Variants in SH3BGRL observed in about 807,000 individuals in gnomAD.
SH3BGRL encodes SH3 domain binding glutamate rich protein like, also known as adapter SH3BGRL.
SH3BGRL carries 7 observed loss-of-function variants against 9.8 expected under a neutral mutation model. The observed-to-expected ratio is 0.72, with a 90% CI of 0.41 to 1.35. SH3BGRL has a LOEUF of 1.35. SH3BGRL is among the 40% of genes most tolerant of loss of function. SH3BGRL has a pLI of 0.01. For synonymous variants in SH3BGRL, 36 were observed against 29.1 expected (o/e 1.24, Z -0.76); for missense variants, 73 against 84.4 (o/e 0.86, Z 0.53).
intron 3 of SH3BGRL, among the ~76,000 whole-genome samples, chrX:81,289,132 G>A (rs1053404638): frequency 8.9e-6 from 1 of 111,932 alleles, no homozygotes; most frequent in Non-Finnish European, 1.9e-5. Flanking sequence ...CACATCTACG[G>A]TGAACTCATT....
At chrX:81,277,310 G>C in intron 2 of SH3BGRL, 141 bp downstream of exon 2, 2 of 499,988 alleles carry the variant, frequency 4.0e-6, no homozygotes, top group Non-Finnish European at 6.5e-6. Context: ...CCACTCAAAG[G>C]CTGGATGTAG....
chrX:81,253,648 GTTCAGATGACC>G (rs1423331227), intron 1 of SH3BGRL, among the ~76,000 whole-genome samples: 2 of 112,246 alleles, frequency 1.8e-5, no homozygotes, highest in East Asian at 5.6e-4. Context: ...AACATTTGAT[GTTCAGATGACC>G]TTCCCTTTCA....
intron 1 of SH3BGRL, among the ~76,000 whole-genome samples, chrX:81,221,648 G>A (rs1288716620): frequency 9.0e-6 from 1 of 111,501 alleles, no homozygotes; most frequent in African/African-American, 3.3e-5. Context: ...ATCCATTTGG[G>A]CCCTGTTGCT....
chrX:81,296,598 C>A (rs1162417190), intron 3 of SH3BGRL, among the ~76,000 whole-genome samples: 1 of 111,063 alleles, frequency 9.0e-6, no homozygotes, highest in Non-Finnish European at 1.9e-5. Flanking sequence ...CAACTTAAGT[C>A]TGATGTTTCC....
intron 3 of SH3BGRL, among the ~76,000 whole-genome samples, chrX:81,288,126 C>A (rs2075842997): frequency 9.0e-6 from 1 of 111,423 alleles, no homozygotes; most frequent in Admixed American, 9.5e-5. Flanking sequence ...ATGCAATGAT[C>A]ATTCAATATA....
chrX:81,272,502 C>CTTTTTTTTTTTTTT (rs748353277), intron 1 of SH3BGRL, among the ~76,000 whole-genome samples: 2 of 95,669 alleles, frequency 2.1e-5, no homozygotes, highest in Admixed American at 1.2e-4. Context: ...TTTTTCTTTT[C>CTTTTTTTTTTTTTT]TTTTTTTTTT....
intron 1 of SH3BGRL, among the ~76,000 whole-genome samples, chrX:81,276,058 GA>G (rs2075797572): frequency 9.0e-6 from 1 of 110,955 alleles, no homozygotes; most frequent in South Asian, 3.9e-4. Flanking sequence ...ATTCCATGAA[GA>G]AACTTGCTTA....
chrX:81,276,232 A>T (rs1002080799), intron 1 of SH3BGRL, among the ~76,000 whole-genome samples: 1 of 109,842 alleles, frequency 9.1e-6, no homozygotes, highest in Non-Finnish European at 1.9e-5. Flanking sequence ...TCTAGCTATG[A>T]TAAGGAGACA....
At chrX:81,241,664 G>T (rs377401314) in intron 1 of SH3BGRL, among the ~76,000 whole-genome samples, 1 of 111,982 alleles carries the variant, frequency 8.9e-6, no homozygotes, top group Admixed American at 9.4e-5. Context: ...TCACTGTGTT[G>T]TGGGCAACAA....
chrX:81,294,652 G>T (rs772692942), intron 3 of SH3BGRL, among the ~76,000 whole-genome samples: 4 of 111,150 alleles, frequency 3.6e-5, no homozygotes, highest in African/African-American at 6.5e-5. Context: ...AGTCCCTACC[G>T]GGGCACCGCC....
intron 1 of SH3BGRL, among the ~76,000 whole-genome samples, chrX:81,253,615 T>A (rs1569364252): frequency 1.8e-5 from 2 of 112,231 alleles, no homozygotes; most frequent in South Asian, 3.7e-4. Context: ...GTGGTGAAAT[T>A]ACAGGTTTTA....
At chrX:81,236,087 CTT>C (rs2075647031) in intron 1 of SH3BGRL, among the ~76,000 whole-genome samples, 1 of 111,313 alleles carries the variant, frequency 9.0e-6, no homozygotes, top group Non-Finnish European at 1.9e-5. Context: ...GGATAGCAAA[CTT>C]AACTCAAGGG....
At chrX:81,205,630 T>C (rs1478620376) in intron 1 of SH3BGRL, among the ~76,000 whole-genome samples, 2 of 108,925 alleles carry the variant, frequency 1.8e-5, no homozygotes, top group Non-Finnish European at 1.9e-5. Flanking sequence ...AGATATTTCT[T>C]TGATATACTG....
intron 1 of SH3BGRL, among the ~76,000 whole-genome samples, chrX:81,216,311 G>A (rs5959854): frequency 0.028 from 3,049 of 110,078 alleles, 103 homozygotes; most frequent in African/African-American, 0.096. Flanking sequence ...ATTTTTGTGC[G>A]TACAGAGTAG....
intron 1 of SH3BGRL, chrX:81,237,153 C>A: frequency 1.7e-6 from 1 of 605,740 alleles, no homozygotes; most frequent in East Asian, 8.5e-5. Flanking sequence ...ATAGAAGACT[C>A]CACCAATCAT....
chrX:81,280,249 T>C (rs2075812086), intron 3 of SH3BGRL, among the ~76,000 whole-genome samples: 1 of 109,527 alleles, frequency 9.1e-6, no homozygotes, highest in Non-Finnish European at 1.9e-5. Context: ...TCCACCCTGG[T>C]AGTGGAAGAC....
In SH3BGRL at chrX:81,297,208, A is replaced by C; in HGVS notation, c.326A>C (p.Gln109Pro). ...TTTTCATTTCAGGAAGCAGAAGTGCAAGCAAAGCAGCAAGCATGAACCTTA... is the reference window on the plus strand; with the variant it reads ...TTTTCATTTCAGGAAGCAGAAGTGCCAGCAAAGCAGCAAGCATGAACCTTA... ...APPGSKEAEV[Q>P]AKQQA Residue 109 changes from glutamine (Q) to proline (P), a missense_variant, in exon 4 of 4, where the codon CAA becomes CCA. Transcript: ENST00000373212. 8.3e-7 allele frequency: 1 copy of C among 1,208,517 alleles called. No homozygotes were observed. Among genetic ancestry groups the C allele is most frequent in the Non-Finnish European group, 1.1e-6 (1 of 893,064 alleles).
At chrX:81,213,415 T>A (rs5959849) in intron 1 of SH3BGRL, among the ~76,000 whole-genome samples, 1,799 of 112,252 alleles carry the variant, frequency 0.016, 36 homozygotes, top group African/African-American at 0.056. Context: ...TGGTGAGTCA[T>A]TATGCTAGGT....
intron 1 of SH3BGRL, among the ~76,000 whole-genome samples, chrX:81,228,540 T>C (rs961650585): frequency 9.0e-6 from 1 of 111,226 alleles, no homozygotes; most frequent in Non-Finnish European, 1.9e-5. Flanking sequence ...CTTATCAAAT[T>C]TAAAGAGCCT....
Sources: gnomAD v4.1 joint callset for allele counts (sites outside exome capture counted in the v4.1 genomes callset) on GRCh38, gnomAD v4.1.1 for gene constraint, MANE v1.5 for transcripts, NCBI Gene and HGNC (gene_info 2026-07-23, HGNC 2026-07-21) for gene names.